STK3: variants seen among roughly 807,000 people sequenced by gnomAD.
The protein encoded by STK3 is serine/threonine kinase 3, also known as serine/threonine-protein kinase 3.
STK3 carries 41 observed loss-of-function variants against 58.0 expected under a neutral mutation model. The ratio of observed to expected loss-of-function variants is 0.71; its 90% CI spans 0.55 to 0.92. The LOEUF (loss-of-function observed/expected upper bound fraction) is 0.92, where lower values mean the gene tolerates loss of function less well. Among genes scored for constraint, STK3 ranks in the 40% least tolerant of loss-of-function variants. STK3 has a pLI of 0.00. For missense variants in STK3, 479 were observed against 602.7 expected, an observed-to-expected ratio of 0.79 and a Z score of 2.15; for synonymous variants, 170 against 191.0, an observed-to-expected ratio of 0.89 and a Z score of 0.91.
At chr8:98,527,021 T>C (rs1825794682) in intron 9 of STK3, 104 bp from the exon 10 acceptor site, 1 of 908,250 alleles carries the variant, frequency 1.1e-6, no homozygotes, top group African/African-American at 1.7e-5. Context: ...AAATTTGCAC[T>C]GGTCAGATTC....
At chr8:98,773,848 G>A (rs1831485724) in intron 2 of STK3, among the ~76,000 whole-genome samples, 1 of 151,872 alleles carries the variant, frequency 6.6e-6, no homozygotes, top group South Asian at 2.1e-4. Flanking sequence ...CCAGGCTAGA[G>A]TGCAATGGCG....
At chr8:98,758,757 C>T (rs566109322) in intron 3 of STK3, among the ~76,000 whole-genome samples, 2 of 152,340 alleles carry the variant, frequency 1.3e-5, no homozygotes, top group South Asian at 4.1e-4. Context: ...AATGTAGCCA[C>T]CTTCATCAAT....
intron 3 of STK3, among the ~76,000 whole-genome samples, chr8:98,872,903 C>T (rs770216795): frequency 3.9e-4 from 60 of 152,228 alleles, no homozygotes; most frequent in East Asian, 1.2e-3. Context: ...TTTGCTCTTG[C>T]TTCTCTAGTT....
downstream of STK3, among the ~76,000 whole-genome samples, chr8:98,400,668 C>T (rs1817933204): frequency 6.6e-6 from 1 of 152,190 alleles, no homozygotes; most frequent in Admixed American, 6.5e-5. Context: ...TTTTCACAGC[C>T]AATTCCAGTA....
chr8:98,499,990 C>T (rs1386216663), intron 10 of STK3, among the ~76,000 whole-genome samples: 1 of 151,946 alleles, frequency 6.6e-6, no homozygotes, highest in Non-Finnish European at 1.5e-5. Context: ...ATATTCATGC[C>T]CTGATGCCTG....
the STK3 span, among the ~76,000 whole-genome samples, chr8:98,359,379 C>G: frequency 7.1e-6 from 1 of 140,832 alleles, no homozygotes; most frequent in South Asian, 2.2e-4. Context: ...AAAAATTAGC[C>G]TGGTGTACTG....
intron 6 of STK3, among the ~76,000 whole-genome samples, chr8:98,617,790 A>G: frequency 6.6e-6 from 1 of 151,998 alleles, no homozygotes. Context: ...GAATAGACCA[A>G]TAACAGGAGC....
chr8:98,590,137 G>T (rs554847114), intron 7 of STK3, among the ~76,000 whole-genome samples: 12 of 152,164 alleles, frequency 7.9e-5, no homozygotes, highest in African/African-American at 2.9e-4. Flanking sequence ...ATCTTCTCTT[G>T]AGAAAAGTGA....
intron 4 of STK3, among the ~76,000 whole-genome samples, chr8:98,709,882 A>C (rs1826259074): frequency 6.6e-6 from 1 of 152,088 alleles, no homozygotes. Flanking sequence ...GGAACAATGA[A>C]AGGATGCTAT....
intron 1 of STK3, among the ~76,000 whole-genome samples, chr8:98,911,283 CA>C (rs2131981273): frequency 6.6e-6 from 1 of 152,302 alleles, no homozygotes; most frequent in African/African-American, 2.4e-5. Flanking sequence ...ATTGTTAAGT[CA>C]AGATTCTGTT....
At chr8:98,871,916 G>A (rs1388101319) in intron 3 of STK3, among the ~76,000 whole-genome samples, 1 of 152,164 alleles carries the variant, frequency 6.6e-6, no homozygotes, top group Non-Finnish European at 1.5e-5. Context: ...TCCCTGTCTT[G>A]TGCCAGTTTT....
chr8:98,463,986 G>T (rs1820221959), intron 10 of STK3, among the ~76,000 whole-genome samples: 1 of 152,072 alleles, frequency 6.6e-6, no homozygotes, highest in Non-Finnish European at 1.5e-5. Context: ...TCAATCAAGA[G>T]AATCCTAAGG....
intron 6 of STK3, among the ~76,000 whole-genome samples, chr8:98,654,511 G>A (rs1406834556): frequency 6.6e-6 from 1 of 152,140 alleles, no homozygotes; most frequent in Non-Finnish European, 1.5e-5. Flanking sequence ...AGGAAATCAA[G>A]GGTATTCAAT....
At chr8:98,421,233 A>G (rs895834054) in intron 3 of STK3, among the ~76,000 whole-genome samples, 3 of 152,174 alleles carry the variant, frequency 2.0e-5, no homozygotes, top group African/African-American at 7.2e-5. Context: ...TCAGGAGAGG[A>G]GAGACAGCTG....
chr8:98,497,548 G>T (rs1204478330), intron 10 of STK3, among the ~76,000 whole-genome samples: 1 of 152,096 alleles, frequency 6.6e-6, no homozygotes, highest in Non-Finnish European at 1.5e-5. Context: ...TAAAATATCT[G>T]ATAAGGAACT....
At position 98,380,219 on chromosome 8, in the gene STK3, C is replaced by T. The variant is rs563962674; in HGVS notation, n.57-1012G>A. On this transcript the variant is annotated intron_variant and non_coding_transcript_variant, in intron 1 of 2. Transcript: ENST00000518704. Reference sequence around the variant, plus strand: ...AGTTAAGCAAGGTGAATACGCTCTACGTTCCTCTGTACCCACAGTCAACAA... The same window carrying T: ...AGTTAAGCAAGGTGAATACGCTCTATGTTCCTCTGTACCCACAGTCAACAA... 2.6e-5 allele frequency among the ~76,000 whole-genome samples: 4 copies of T among 152,282 alleles called. No individual in the cohort carries two copies. The South Asian group carries it at 6.2e-4, about 24-fold the overall frequency.
intron 1 of STK3, among the ~76,000 whole-genome samples, chr8:98,822,367 G>A (rs942345488): frequency 1.3e-5 from 2 of 152,010 alleles, no homozygotes; most frequent in Non-Finnish European, 2.9e-5. Context: ...ATAGAGTGCA[G>A]TGGCACAATC....
At chr8:98,649,056 CAA>C (rs199732980) in intron 6 of STK3, among the ~76,000 whole-genome samples, 10 of 89,168 alleles carry the variant, frequency 1.1e-4, no homozygotes, top group Admixed American at 1.3e-4. Flanking sequence ...GACTCTGTCT[CAA>C]AAAAAAAAAA....
At chr8:98,466,990 T>C (rs561375172) in intron 10 of STK3, among the ~76,000 whole-genome samples, 11 of 152,282 alleles carry the variant, frequency 7.2e-5, no homozygotes, top group Admixed American at 2.0e-4. Flanking sequence ...AGAAGTCTCC[T>C]ACCTACAAAA....
Sources: allele counts gnomAD v4.1 joint callset (sites outside exome capture counted in the v4.1 genomes callset), GRCh38; gene constraint gnomAD v4.1.1; transcripts MANE v1.5; gene names NCBI Gene and HGNC (gene_info 2026-07-23, HGNC 2026-07-21).